Variants in UBE3A observed in about 807,000 individuals in gnomAD.
The protein encoded by UBE3A is ubiquitin-protein ligase E3A.
Under a neutral mutation model 83.4 loss-of-function variants are expected in UBE3A, and 6 were observed. The ratio of observed to expected loss-of-function variants is 0.07; its 90% confidence interval spans 0.04 to 0.14. The LOEUF (loss-of-function observed/expected upper bound fraction) is 0.14. Ranked by LOEUF, UBE3A falls within the 10% of genes least tolerant of loss-of-function variation. The pLI, the probability that UBE3A is intolerant of heterozygous loss-of-function variation, is 1.00. For synonymous variants in UBE3A, 337 were observed against 355.4 expected, an observed-to-expected ratio of 0.95 and a Z score of 0.58; for missense variants, 456 against 1,036.1, an observed-to-expected ratio of 0.44 and a Z score of 7.69.
intron 1 of UBE3A, among the ~76,000 whole-genome samples, chr15:25,433,397 AG>A (rs1712678608): frequency 6.6e-6 from 1 of 152,038 alleles, no homozygotes; most frequent in South Asian, 2.1e-4. Flanking sequence ...CGTGTTGGCC[AG>A]GATGGTCTCG....
At chr15:25,345,171 C>A (rs191621026) in intron 11 of UBE3A, among the ~76,000 whole-genome samples, 126 of 152,206 alleles carry the variant, frequency 8.3e-4, no homozygotes, top group African/African-American at 2.8e-3. Flanking sequence ...GAGAACACTG[C>A]CAACCCACTG....
rs2077166207 is a variant in UBE3A, at chr15:25,355,981, T to C, written c.2035A>G (p.Ile679Val). Residue 679 changes from isoleucine to valine, a missense_variant, in exon 9 of 13, where the codon ATA (isoleucine) becomes GTA (valine). Ile to Val is a conservative substitution (Grantham distance 29, BLOSUM62 3). This residue lies in a region of UBE3A where 82 missense variants were observed against 199.3 expected (regional missense o/e 0.41). Coordinates refer to ENST00000648336, the MANE Select transcript of UBE3A (RefSeq NM_130839.5). ...VEDDMMITFQISQTDLFGNPM... is the reference protein window; with the variant it reads ...VEDDMMITFQVSQTDLFGNPM... ...TTACCAAAAAGATCTGTCTGTGATATCTGGAAAGTGATCATCATGTCATCT... is the reference window on the plus strand; with the variant it reads ...TTACCAAAAAGATCTGTCTGTGATACCTGGAAAGTGATCATCATGTCATCT... 1 of 1,613,732 alleles carries C rather than the reference T, an allele frequency of 6.2e-7. No homozygotes were observed. Among genetic ancestry groups the C allele is most frequent in the African/African-American group, 1.3e-5 (1 of 74,928 alleles).
chr15:25,367,432 G>A (rs1166687704), intron 6 of UBE3A, among the ~76,000 whole-genome samples: 1 of 151,834 alleles, frequency 6.6e-6, no homozygotes, highest in East Asian at 1.9e-4. Context: ...GTTTATCACT[G>A]TACTGTTTTC....
chr15:25,438,089 CA>C, intron 1 of UBE3A: 1 of 152,380 alleles, frequency 6.6e-6, no homozygotes, highest in Non-Finnish European at 1.5e-5. Context: ...CCAAGAGAGC[CA>C]AAAACCTTGA....
intron 1 of UBE3A, among the ~76,000 whole-genome samples, chr15:25,423,834 T>C (rs1890537826): frequency 6.6e-6 from 1 of 152,174 alleles, no homozygotes; most frequent in Non-Finnish European, 1.5e-5. Flanking sequence ...GGCATCATGT[T>C]TTACTCCTCC....
intron 11 of UBE3A, chr15:25,346,355 T>C (rs560020365): frequency 6.6e-6 from 1 of 152,426 alleles, no homozygotes; most frequent in South Asian, 2.1e-4. Context: ...TGAAAAATGG[T>C]CACTGGAACC....
At chr15:25,356,137 A>T in intron 8 of UBE3A, 81 bp from the exon 9 acceptor site, 1 of 1,527,254 alleles carries the variant, frequency 6.5e-7, no homozygotes, top group East Asian at 2.3e-5. Context: ...TTCTTAGAAG[A>T]CAACAAAAAT....
At chr15:25,414,155 C>G (rs975934690) in intron 1 of UBE3A, among the ~76,000 whole-genome samples, 1 of 152,146 alleles carries the variant, frequency 6.6e-6, no homozygotes, top group Admixed American at 6.5e-5. Flanking sequence ...TATCTAATAT[C>G]AAACTCAATT....
At chr15:25,433,042 T>C (rs978415956) in intron 1 of UBE3A, among the ~76,000 whole-genome samples, 4 of 152,210 alleles carry the variant, frequency 2.6e-5, no homozygotes, top group African/African-American at 9.7e-5. Context: ...ACAGGTCTGG[T>C]ACAGCAAATT....
chr15:25,398,497 A>C (rs964174633), intron 4 of UBE3A, among the ~76,000 whole-genome samples: 2 of 151,798 alleles, frequency 1.3e-5, no homozygotes, highest in Non-Finnish European at 2.9e-5. Flanking sequence ...ACCATTTTAC[A>C]TCCCTGAGTT....
intron 6 of UBE3A, among the ~76,000 whole-genome samples, chr15:25,368,417 G>A (rs1164191861): frequency 2.6e-5 from 4 of 152,044 alleles, no homozygotes; most frequent in Non-Finnish European, 5.9e-5. Context: ...AAAAGCAAGG[G>A]AGAAAGAAAG....
chr15:25,427,618 A>AC (rs1406884442), intron 1 of UBE3A, among the ~76,000 whole-genome samples: 1 of 147,690 alleles, frequency 6.8e-6, no homozygotes, highest in African/African-American at 2.5e-5. Context: ...AAAAAAAAAA[A>AC]AAAAAAAAAA....
chr15:25,375,388 C>A, intron 5 of UBE3A, 77 bp downstream of exon 5: 1 of 1,515,952 alleles, frequency 6.6e-7, no homozygotes. Context: ...GAAGAAAAAA[C>A]AAATAAAAAC....
At chr15:25,339,459 A>G (rs2074361752) in intron 12 of UBE3A, 1 of 536,658 alleles carries the variant, frequency 1.9e-6, no homozygotes, top group East Asian at 3.6e-5. Context: ...AGTGACGATG[A>G]TAAGATACTG....
At chr15:25,414,781 AT>A (rs1192738361) in intron 1 of UBE3A, among the ~76,000 whole-genome samples, 1 of 152,058 alleles carries the variant, frequency 6.6e-6, no homozygotes, top group African/African-American at 2.4e-5. Context: ...GTCTTTTTTG[AT>A]TGCTTTTAGT....
chr15:25,430,600 T>A (rs1893174873), intron 1 of UBE3A, among the ~76,000 whole-genome samples: 1 of 151,902 alleles, frequency 6.6e-6, no homozygotes, highest in East Asian at 1.9e-4. Flanking sequence ...TATTTAAAAT[T>A]ACTTTAAGTG....
chr15:25,400,321 T>C (rs990852747), intron 4 of UBE3A, among the ~76,000 whole-genome samples: 1 of 152,234 alleles, frequency 6.6e-6, no homozygotes, highest in African/African-American at 2.4e-5. Context: ...AAGTCCATTA[T>C]ATAAAATGGT....
intron 1 of UBE3A, among the ~76,000 whole-genome samples, chr15:25,435,935 A>C (rs1443005861): frequency 6.6e-6 from 1 of 152,238 alleles, no homozygotes; most frequent in Non-Finnish European, 1.5e-5. Flanking sequence ...AAGATTTCTA[A>C]GGTAATACTT....
Position 25,357,057 on chromosome 15 carries a change from C to G in UBE3A, c.1754-161G>C, listed in dbSNP as rs8023329. Among the ~76,000 whole-genome samples, 1,277 of 152,150 alleles carry G rather than the reference C, an allele frequency of 8.4e-3. 19 individuals are homozygous for G. Among genetic ancestry groups the G allele is most frequent in the African/African-American group, 0.029 (1,206 of 41,530 alleles). On this transcript the variant is annotated intron_variant, in intron 7 of 12. Coordinates refer to ENST00000648336, the MANE Select transcript of UBE3A (RefSeq NM_130839.5). Reference sequence around the variant, plus strand: ...TCTATTATATTAGCACTTGAGAAAACAATGTCCACATATATCTGCTATAAA... The same window carrying G: ...TCTATTATATTAGCACTTGAGAAAAGAATGTCCACATATATCTGCTATAAA...
Sources: gnomAD v4.1 joint callset for allele counts (sites outside exome capture counted in the v4.1 genomes callset) on GRCh38, gnomAD v4.1.1 for gene constraint, gnomAD v4.1.1 regional missense constraint, MANE v1.5 for transcripts, NCBI Gene and HGNC (gene_info 2026-07-23, HGNC 2026-07-21) for gene names.